CCBE1: variants seen among roughly 807,000 people sequenced by gnomAD.
CCBE1 encodes collagen and calcium binding EGF domains 1.
Under a neutral mutation model 50.0 loss-of-function variants are expected in CCBE1, and 37 were observed. That is an observed-to-expected ratio of 0.74 (90% CI 0.57 to 0.97). CCBE1 has a LOEUF of 0.97. CCBE1 is among the 50% of genes least tolerant of loss of function. The probability of loss-of-function intolerance (pLI) is 0.00; values close to 1 mark genes in which losing one functional copy is unlikely to be tolerated. For synonymous variants in CCBE1, 234 were observed against 203.7 expected (o/e 1.15, Z -1.27); for missense variants, 538 against 523.8 (o/e 1.03, Z -0.26).
chr18:59,454,800 C>T (rs765340044), intron 6 of CCBE1, 51 bp downstream of exon 6: 2 of 1,490,028 alleles, frequency 1.3e-6, no homozygotes, highest in Admixed American at 3.3e-5. Flanking sequence ...CTGGCCTTGG[C>T]CAAGCCCTCC....
chr18:59,558,263 T>C (rs1490146046), intron 2 of CCBE1, among the ~76,000 whole-genome samples: 2 of 152,226 alleles, frequency 1.3e-5, no homozygotes, highest in Non-Finnish European at 2.9e-5. Context: ...TTCTAGTTAG[T>C]TGAGGTTGTT....
intron 2 of CCBE1, among the ~76,000 whole-genome samples, chr18:59,507,035 G>A (rs1416478989): frequency 6.6e-6 from 1 of 152,096 alleles, no homozygotes; most frequent in African/African-American, 2.4e-5. Flanking sequence ...GTAAGTGCCA[G>A]TTCCCACATC....
chr18:59,529,346 C>G (rs1304253543), intron 2 of CCBE1, among the ~76,000 whole-genome samples: 2 of 152,180 alleles, frequency 1.3e-5, no homozygotes, highest in Non-Finnish European at 2.9e-5. Flanking sequence ...CAGACTGGAG[C>G]TCAGTTGCCT....
chr18:59,654,579 G>A (rs1052484310), intron 2 of CCBE1, among the ~76,000 whole-genome samples: 18 of 152,050 alleles, frequency 1.2e-4, no homozygotes, highest in African/African-American at 4.3e-4. Flanking sequence ...AGCCGAGATC[G>A]CGCCACTGTA....
chr18:59,689,031 T>C (rs1168739522), intron 2 of CCBE1, among the ~76,000 whole-genome samples: 1 of 152,222 alleles, frequency 6.6e-6, no homozygotes, highest in Admixed American at 6.5e-5. Flanking sequence ...GGGGGCCAAA[T>C]TGGGATTCTG....
intron 2 of CCBE1, among the ~76,000 whole-genome samples, chr18:59,578,042 A>C (rs1343620032): frequency 6.6e-6 from 1 of 152,252 alleles, no homozygotes; most frequent in Non-Finnish European, 1.5e-5. Context: ...GAATGGGAGA[A>C]AAGTTTTACA....
rs115618921 is a variant in CCBE1, at chr18:59,630,451, A to G, written c.212+66178T>C. On this transcript the variant is annotated intron_variant, in intron 2 of 10. Transcript: ENST00000439986. ...GGCTTAGGAAAACCACCATTTTATGATATCTTACACTTTTGTGGGTCAAGG... is the reference window on the plus strand; with the variant it reads ...GGCTTAGGAAAACCACCATTTTATGGTATCTTACACTTTTGTGGGTCAAGG... Among the ~76,000 whole-genome samples, 1,220 of 152,300 alleles carry G rather than the reference A, an allele frequency of 8.0e-3. 7 individuals are homozygous for G. Among genetic ancestry groups the G allele is most frequent in the African/African-American group, 0.027 (1,135 of 41,556 alleles).
intron 3 of CCBE1, among the ~76,000 whole-genome samples, chr18:59,474,955 C>A (rs577443342): frequency 6.6e-6 from 1 of 152,294 alleles, no homozygotes; most frequent in East Asian, 1.9e-4. Flanking sequence ...GCTATTATCT[C>A]CTCTTCCCAT....
chr18:59,666,430 T>C (rs1478617494), intron 2 of CCBE1, among the ~76,000 whole-genome samples: 3 of 152,164 alleles, frequency 2.0e-5, no homozygotes, highest in African/African-American at 7.2e-5. Flanking sequence ...AGTTCCATTT[T>C]TGTGAAAACC....
rs56316631 is a variant in CCBE1 at position 59,493,545 on chromosome 18, C to CT, written c.213-13308dup. Among the ~76,000 whole-genome samples the CT allele has an allele frequency of 3.4e-3, 508 of 149,350 alleles. 3 individuals carry two copies. Among genetic ancestry groups the CT allele is most frequent in the Non-Finnish European group, 5.1e-3 (341 of 66,980 alleles). Reference sequence around the variant, plus strand: ...ATAGATTATTTAATTCTCATAAAAACTTTTTTTTTTTTAACAGGTGAGAAG... The same window carrying CT: ...ATAGATTATTTAATTCTCATAAAAACTTTTTTTTTTTTTAACAGGTGAGAAG... On this transcript the variant is annotated intron_variant, in intron 2 of 10. Transcript: ENST00000439986.
chr18:59,621,540 A>G (rs1050370075), intron 2 of CCBE1, among the ~76,000 whole-genome samples: 8 of 152,206 alleles, frequency 5.3e-5, no homozygotes, highest in Admixed American at 5.2e-4. Context: ...CTTGCCATGC[A>G]TCTATTCATA....
chr18:59,692,153 ACT>A (rs2054741280), intron 2 of CCBE1, among the ~76,000 whole-genome samples: 1 of 152,200 alleles, frequency 6.6e-6, no homozygotes, highest in African/African-American at 2.4e-5. Context: ...AGTTCATACG[ACT>A]CACAAAATTC....
intron 2 of CCBE1, among the ~76,000 whole-genome samples, chr18:59,554,104 G>A (rs1453821390): frequency 6.6e-6 from 1 of 152,186 alleles, no homozygotes; most frequent in Non-Finnish European, 1.5e-5. Flanking sequence ...CCGGGCTCAA[G>A]CCGTCCTTCT....
intron 2 of CCBE1, among the ~76,000 whole-genome samples, chr18:59,485,076 G>C (rs615847): frequency 6.6e-6 from 1 of 152,020 alleles, no homozygotes; most frequent in Non-Finnish European, 1.5e-5. Context: ...GTGGATTCTG[G>C]GGAGACAATC....
At chr18:59,578,599 G>A (rs1473664926) in intron 2 of CCBE1, among the ~76,000 whole-genome samples, 4 of 152,088 alleles carry the variant, frequency 2.6e-5, no homozygotes, top group South Asian at 2.1e-4. Flanking sequence ...CATATACACC[G>A]TAGAATACTA....
intron 5 of CCBE1, chr18:59,464,971 T>C (rs1229788502): frequency 1.3e-5 from 2 of 152,502 alleles, no homozygotes; most frequent in Non-Finnish European, 2.9e-5. Context: ...CCGAGGTAAG[T>C]AGAGAAGAGC....
intron 2 of CCBE1, among the ~76,000 whole-genome samples, chr18:59,567,684 A>G (rs1440429836): frequency 6.6e-6 from 1 of 152,120 alleles, no homozygotes; most frequent in South Asian, 2.1e-4. Context: ...AGGGCTGATG[A>G]TATCCTACGT....
chr18:59,518,731 T>C (rs1398895988), intron 2 of CCBE1, among the ~76,000 whole-genome samples: 1 of 152,158 alleles, frequency 6.6e-6, no homozygotes, highest in Non-Finnish European at 1.5e-5. Context: ...CCTCACACTT[T>C]CCATGTTTGT....
intron 2 of CCBE1, among the ~76,000 whole-genome samples, chr18:59,682,030 C>A (rs1219524082): frequency 2.0e-5 from 3 of 152,288 alleles, no homozygotes; most frequent in East Asian, 3.9e-4. Flanking sequence ...TTCTGGAGGA[C>A]CCTGCAGTGG....
Sources: allele counts gnomAD v4.1 joint callset (sites outside exome capture counted in the v4.1 genomes callset), GRCh38; gene constraint gnomAD v4.1.1; transcripts MANE v1.5; gene names NCBI Gene and HGNC (gene_info 2026-07-23, HGNC 2026-07-21).